FAM171A1: variants seen among roughly 807,000 people sequenced by gnomAD.
FAM171A1 encodes the protein family with sequence similarity 171 member A1.
A neutral mutation model predicts 74.9 loss-of-function variants in FAM171A1; 23 were observed. That is an observed-to-expected ratio of 0.31 (90% CI 0.22 to 0.44). FAM171A1 has a LOEUF of 0.44. Among genes scored for constraint, FAM171A1 ranks in the 20% least tolerant of loss-of-function variants. The probability of loss-of-function intolerance (pLI) is 1.00; values close to 1 mark genes in which losing one functional copy is unlikely to be tolerated. For missense variants in FAM171A1, 1,162 were observed against 1,159.2 expected (o/e 1.00, Z -0.03); for synonymous variants, 527 against 505.7 (o/e 1.04, Z -0.57).
At chr10:15,373,520 G>A (rs1409912840), upstream of FAM171A1, among the ~76,000 whole-genome samples, 1 of 152,164 alleles carries the variant, frequency 6.6e-6, no homozygotes, top group Non-Finnish European at 1.5e-5. Flanking sequence ...ATTACCTCCA[G>A]GAGTGTCCAA....
intron 2 of FAM171A1, among the ~76,000 whole-genome samples, chr10:15,282,191 G>C (rs1469523706): frequency 2.6e-5 from 4 of 151,958 alleles, no homozygotes; most frequent in African/African-American, 9.7e-5. Flanking sequence ...AGCTCCTCTT[G>C]CCTCAGCCTC....
Position 15,284,038 on chromosome 10 carries a change from C to A in FAM171A1, c.165G>T (p.Glu55Asp). The A allele has an allele frequency of 6.2e-7, 1 of 1,614,054 alleles. No individual in the cohort carries two copies. Among genetic ancestry groups the A allele is most frequent in the Admixed American group, 1.7e-5 (1 of 60,010 alleles). ...THQPVADALI[E>D]IFTNQASIAS... ...CTATGGAGGCCTGGTTGGTGAAGAT[C>A]TCGATGAGCGCATCTGCTACGGGCT... The change falls in exon 2 of 8, where the codon GAG (glutamate) becomes GAT (aspartate). Residue 55 changes from glutamate to aspartate, a missense_variant. Transcript: ENST00000378116.
At chr10:15,290,831 C>T (rs539442684) in intron 1 of FAM171A1, among the ~76,000 whole-genome samples, 3 of 152,250 alleles carry the variant, frequency 2.0e-5, no homozygotes, top group Non-Finnish European at 4.4e-5. Context: ...AAAACTCCCA[C>T]GGAGAGAGCT....
Position 15,354,679 on chromosome 10 carries a change from C to G in FAM171A1, c.97+16277G>C, listed in dbSNP as rs534099083. Among the ~76,000 whole-genome samples the G allele has an allele frequency of 2.4e-3, 371 of 152,326 alleles. 1 individual carries two copies. The highest frequency in any genetic ancestry group is 6.8e-3 in the Middle Eastern group (2 of 294). On this transcript the variant is annotated intron_variant, in intron 1 of 7. Coordinates refer to ENST00000378116, the MANE Select transcript of FAM171A1 (RefSeq NM_001010924.2). ...GGCTGGGCTGCAGCTCCCGCTGACC[C>G]AGCACCGTGGGCCTCAGAATTGCTT...
chr10:15,353,053 C>G (rs1311417003), intron 1 of FAM171A1, among the ~76,000 whole-genome samples: 1 of 152,214 alleles, frequency 6.6e-6, no homozygotes, highest in Admixed American at 6.5e-5. Flanking sequence ...ACAAACTTGA[C>G]CAGACTGCAG....
chr10:15,306,851 A>T (rs750695280), intron 1 of FAM171A1, among the ~76,000 whole-genome samples: 1 of 152,172 alleles, frequency 6.6e-6, no homozygotes, highest in Non-Finnish European at 1.5e-5. Flanking sequence ...GGTCCTATCC[A>T]CCTTCTCACC....
At chr10:15,244,141 C>A (rs1172823791) in intron 5 of FAM171A1, among the ~76,000 whole-genome samples, 1 of 152,178 alleles carries the variant, frequency 6.6e-6, no homozygotes. Context: ...ATCACTTGAG[C>A]TCAGGAGTTC....
At chr10:15,308,962 G>T (rs190848860) in intron 1 of FAM171A1, among the ~76,000 whole-genome samples, 25 of 151,898 alleles carry the variant, frequency 1.6e-4, no homozygotes, top group African/African-American at 6.0e-4. Context: ...CACTGCAGCC[G>T]GCTGACAAAG....
upstream of FAM171A1, among the ~76,000 whole-genome samples, chr10:15,374,084 C>G (rs745556660): frequency 6.6e-6 from 1 of 152,114 alleles, no homozygotes; most frequent in Non-Finnish European, 1.5e-5. Flanking sequence ...CCTTGGACAC[C>G]CCTGCGAGAC....
At position 15,254,741 on chromosome 10, in the gene FAM171A1, C is replaced by T. The variant is rs770720340; in HGVS notation, c.557G>A (p.Gly186Glu). Residue 186 changes from glycine (G) to glutamate (E), a missense_variant, in exon 4 of 8, where the codon GGA becomes GAA. Gly to Glu is a moderately conservative substitution (Grantham distance 98). Coordinates refer to ENST00000378116, the MANE Select transcript of FAM171A1 (RefSeq NM_001010924.2). ...SEVDSFPYLR[G>E]LDGNGTGNST... ...ATTACCTGTTCCATTTCCGTCTAAT[C>T]CTCGCAAATAAGGAAAACTGTCCAC... 6.2e-7 allele frequency: 1 copy of T among 1,614,162 alleles called. No individual in the cohort carries two copies. Among genetic ancestry groups the T allele is most frequent in the Non-Finnish European group, 8.5e-7 (1 of 1,180,002 alleles).
At chr10:15,219,163 T>A (rs1160877620) in intron 6 of FAM171A1, among the ~76,000 whole-genome samples, 1 of 152,078 alleles carries the variant, frequency 6.6e-6, no homozygotes, top group East Asian at 1.9e-4. Flanking sequence ...AGACCTGTAA[T>A]CTCAGCTACT....
chr10:15,215,699 T>C (rs1833958065), intron 7 of FAM171A1, among the ~76,000 whole-genome samples: 1 of 152,118 alleles, frequency 6.6e-6, no homozygotes, highest in Admixed American at 6.6e-5. Flanking sequence ...CCCTTCAGAG[T>C]ATCATCTCTT....
chr10:15,254,828 G>A lies in FAM171A1; in HGVS notation c.470C>T (p.Pro157Leu), dbSNP rs536028177. 1.9e-6 allele frequency: 3 copies of A among 1,614,172 alleles called. No individual in the cohort carries two copies. The highest frequency in any genetic ancestry group is 2.5e-6 in the Non-Finnish European group (3 of 1,180,014). ...VHFQRRALRL[P>L]ENTSYSDLTA... ...CAGGTCACTGTAGCTGGTGTTCTCA[G>A]GCAACCTCAGAGCCCTTCTCTGGAA... Residue 157 changes from proline (P) to leucine (L), a missense_variant, in exon 4 of 8, where the codon CCT (proline) becomes CTT (leucine). By Grantham distance (98) the Pro-to-Leu change is moderately conservative. Coordinates refer to ENST00000378116, the MANE Select transcript of FAM171A1 (RefSeq NM_001010924.2).
chr10:15,311,558 T>C (rs1835359638), intron 1 of FAM171A1, among the ~76,000 whole-genome samples: 1 of 152,212 alleles, frequency 6.6e-6, no homozygotes. Context: ...TTCATCTCCA[T>C]ATATCCTGGG....
rs548469504 is a variant in FAM171A1 at position 15,234,163 on chromosome 10, A to G, written c.755-13103T>C. Among the ~76,000 whole-genome samples the G allele has an allele frequency of 1.6e-4, 25 of 152,304 alleles. No homozygotes were observed. The South Asian group carries it at 5.2e-3, about 32-fold the overall frequency. On this transcript the variant is annotated intron_variant, in intron 5 of 7. Transcript: ENST00000378116. ...CTACATTCGAAAGGAAAAAAAAAAC[A>G]TACAAAGTGTTGATCTTCTTTTAAA...
At chr10:15,317,022 G>A (rs1439397499) in intron 1 of FAM171A1, among the ~76,000 whole-genome samples, 1 of 151,442 alleles carries the variant, frequency 6.6e-6, no homozygotes, top group East Asian at 1.9e-4. Flanking sequence ...TAGCAGGAGA[G>A]CTCCCAGACA....
At chr10:15,268,140 C>T (rs1834771884) in intron 3 of FAM171A1, among the ~76,000 whole-genome samples, 1 of 152,154 alleles carries the variant, frequency 6.6e-6, no homozygotes, top group African/African-American at 2.4e-5. Flanking sequence ...ACCTGGACAA[C>T]CACAGAAGCC....
At chr10:15,312,289 C>G (rs1260530982) in intron 1 of FAM171A1, among the ~76,000 whole-genome samples, 1 of 145,634 alleles carries the variant, frequency 6.9e-6, no homozygotes, top group Non-Finnish European at 1.6e-5. Context: ...AATGGAGAGA[C>G]GCTCACTCCA....
chr10:15,225,441 T>C (rs1162546666), intron 5 of FAM171A1, among the ~76,000 whole-genome samples: 1 of 152,200 alleles, frequency 6.6e-6, no homozygotes, highest in African/African-American at 2.4e-5. Flanking sequence ...TCAACAATCA[T>C]GCTGTTACTG....
Sources: allele counts gnomAD v4.1 joint callset (sites outside exome capture counted in the v4.1 genomes callset), GRCh38; gene constraint gnomAD v4.1.1; transcripts MANE v1.5; gene names NCBI Gene and HGNC (gene_info 2026-07-23, HGNC 2026-07-21).